The following LRRTM4 variants were observed in gnomAD, a reference collection of about 807,000 sequenced individuals.
The protein encoded by LRRTM4 is leucine rich repeat transmembrane neuronal 4, also known as leucine-rich repeat transmembrane neuronal protein 4.
LRRTM4 carries 25 observed loss-of-function variants against 47.6 expected under a neutral mutation model. The observed-to-expected ratio is 0.53, with a 90% CI of 0.38 to 0.73. The LOEUF (loss-of-function observed/expected upper bound fraction) is 0.73. Ranked by LOEUF, LRRTM4 falls within the 30% of genes least tolerant of loss-of-function variation. The pLI is 0.00. For missense variants in LRRTM4, 638 were observed against 713.4 expected (o/e 0.89, Z 1.20); for synonymous variants, 311 against 269.5 (o/e 1.15, Z -1.51).
chr2:77,024,161 T>C (rs1678369846), intron 3 of LRRTM4, among the ~76,000 whole-genome samples: 1 of 152,110 alleles, frequency 6.6e-6, no homozygotes, highest in Non-Finnish European at 1.5e-5. Context: ...CTCCTGTGAT[T>C]CAAATTATCC....
At chr2:77,001,169 C>T (rs1677413129) in intron 3 of LRRTM4, among the ~76,000 whole-genome samples, 1 of 152,152 alleles carries the variant, frequency 6.6e-6, no homozygotes, top group African/African-American at 2.4e-5. Context: ...TAGCTGTCAT[C>T]TCAGCAGCTG....
intron 3 of LRRTM4, among the ~76,000 whole-genome samples, chr2:77,018,477 C>G (rs1348828): frequency 0.29 from 44,521 of 151,490 alleles, 6,742 homozygotes; most frequent in East Asian, 0.41. Flanking sequence ...CTAGACTGCT[C>G]TGTATGGATG....
intron 3 of LRRTM4, among the ~76,000 whole-genome samples, chr2:77,342,617 A>T (rs997032033): frequency 2.6e-5 from 4 of 151,982 alleles, no homozygotes; most frequent in African/African-American, 9.7e-5. Context: ...TGGAGAATAA[A>T]GTTATTTTTT....
At chr2:76,845,079 C>T (rs986691975) in intron 3 of LRRTM4, among the ~76,000 whole-genome samples, 1 of 151,944 alleles carries the variant, frequency 6.6e-6, no homozygotes, top group African/African-American at 2.4e-5. Context: ...GGAGAATGGG[C>T]GTTTTGTGAT....
At chr2:77,082,642 T>A (rs1360705416) in intron 3 of LRRTM4, among the ~76,000 whole-genome samples, 1 of 151,674 alleles carries the variant, frequency 6.6e-6, no homozygotes, top group African/African-American at 2.4e-5. Flanking sequence ...CACATATACA[T>A]GAATATATTT....
chr2:77,304,604 C>T (rs1677224397), intron 3 of LRRTM4, among the ~76,000 whole-genome samples: 1 of 152,066 alleles, frequency 6.6e-6, no homozygotes, highest in African/African-American at 2.4e-5. Flanking sequence ...GGGAATTGCT[C>T]TTGTCTCTGA....
chr2:77,045,735 G>C (rs1334455782), intron 3 of LRRTM4, among the ~76,000 whole-genome samples: 3 of 151,932 alleles, frequency 2.0e-5, no homozygotes, highest in African/African-American at 7.2e-5. Flanking sequence ...CCAGCCACAT[G>C]GAACTGTAAG....
At chr2:76,953,972 A>C (rs1675581864) in intron 3 of LRRTM4, among the ~76,000 whole-genome samples, 1 of 151,864 alleles carries the variant, frequency 6.6e-6, no homozygotes, top group Non-Finnish European at 1.5e-5. Flanking sequence ...CTGAGAAAGA[A>C]ACTGACAAGC....
intron 3 of LRRTM4, among the ~76,000 whole-genome samples, chr2:77,102,363 C>T (rs1390245537): frequency 1.3e-5 from 2 of 152,196 alleles, no homozygotes; most frequent in Admixed American, 1.3e-4. Flanking sequence ...GTTAATTCCA[C>T]GTATTCCCAC....
chr2:77,192,890 C>A (rs931010107), intron 3 of LRRTM4, among the ~76,000 whole-genome samples: 1 of 152,058 alleles, frequency 6.6e-6, no homozygotes, highest in Non-Finnish European at 1.5e-5. Flanking sequence ...ATAAGCCGTG[C>A]ATGGAAAAGA....
chr2:77,139,117 A>T (rs921370341), intron 3 of LRRTM4, among the ~76,000 whole-genome samples: 1 of 152,144 alleles, frequency 6.6e-6, no homozygotes, highest in East Asian at 1.9e-4. Context: ...TCCCTAACAC[A>T]TTTTATGAGG....
intron 3 of LRRTM4, among the ~76,000 whole-genome samples, chr2:77,318,894 T>TA (rs749677856): frequency 3.1e-4 from 47 of 151,482 alleles, no homozygotes; most frequent in Non-Finnish European, 5.6e-4. Context: ...CTTTTTTTTT[T>TA]ATCTTGAAAC....
At chr2:76,777,236 A>G (rs1674063811) in intron 3 of LRRTM4, among the ~76,000 whole-genome samples, 2 of 150,474 alleles carry the variant, frequency 1.3e-5, no homozygotes, top group South Asian at 4.4e-4. Flanking sequence ...TGACTTGGCC[A>G]TGCGGGCTCT....
chr2:77,049,603 G>A (rs1358908245), intron 3 of LRRTM4, among the ~76,000 whole-genome samples: 2 of 151,852 alleles, frequency 1.3e-5, no homozygotes, highest in African/African-American at 4.8e-5. Flanking sequence ...ATTAGGAAAT[G>A]TCCTCTCACC....
chr2:77,284,194 T>C (rs1676588293), intron 3 of LRRTM4, among the ~76,000 whole-genome samples: 2 of 152,090 alleles, frequency 1.3e-5, no homozygotes, highest in Admixed American at 6.6e-5. Context: ...AAATATTTCC[T>C]TGGGATGTGT....
intron 3 of LRRTM4, among the ~76,000 whole-genome samples, chr2:76,841,930 G>A (rs767340605): frequency 2.0e-5 from 3 of 152,118 alleles, no homozygotes; most frequent in African/African-American, 4.8e-5. Flanking sequence ...TCACACATGC[G>A]CTGCTCATAG....
chr2:76,782,819 A>G (rs993032494), intron 3 of LRRTM4, among the ~76,000 whole-genome samples: 3 of 152,192 alleles, frequency 2.0e-5, no homozygotes, highest in Non-Finnish European at 4.4e-5. Flanking sequence ...TTTAACACCT[A>G]CAAGTACATT....
At chr2:77,284,091 C>T (rs778237824) in intron 3 of LRRTM4, among the ~76,000 whole-genome samples, 3 of 152,032 alleles carry the variant, frequency 2.0e-5, no homozygotes, top group Non-Finnish European at 2.9e-5. Context: ...ATCCCTTAGA[C>T]GTATTTTGAA....
chr2:77,483,592 C>T (rs566151046), intron 3 of LRRTM4, among the ~76,000 whole-genome samples: 2 of 152,264 alleles, frequency 1.3e-5, no homozygotes, highest in East Asian at 3.9e-4. Context: ...CTACCCGTCT[C>T]GGCCTCCCAA....
Sources: gnomAD v4.1 joint callset for allele counts (sites outside exome capture counted in the v4.1 genomes callset) on GRCh38, gnomAD v4.1.1 for gene constraint, MANE v1.5 for transcripts, NCBI Gene and HGNC (gene_info 2026-07-23, HGNC 2026-07-21) for gene names.